The following CIMIP6 variants were observed in gnomAD, a reference collection of about 807,000 sequenced individuals.
The protein encoded by CIMIP6 is uncharacterized protein C2orf73.
the CIMIP6 span, among the ~76,000 whole-genome samples, chr2:54,347,774 C>G: frequency 6.6e-6 from 1 of 152,158 alleles, no homozygotes; most frequent in African/African-American, 2.4e-5. Flanking sequence ...CACCTTGTCC[C>G]GCTGCCCCAT....
the CIMIP6 span, among the ~76,000 whole-genome samples, chr2:54,349,927 G>GTCTCCCGGGCT: frequency 6.7e-6 from 1 of 150,178 alleles, no homozygotes. Context: ...TCGGCTCACT[G>GTCTCCCGGGCT]CAACCTCTGT....
chr2:54,344,147 G>T, the CIMIP6 span, among the ~76,000 whole-genome samples: 1 of 152,114 alleles, frequency 6.6e-6, no homozygotes, highest in Non-Finnish European at 1.5e-5. Flanking sequence ...CCTGCTCATT[G>T]TTGTTGCCAC....
chr2:54,357,263 T>A, the CIMIP6 span, among the ~76,000 whole-genome samples: 1 of 152,220 alleles, frequency 6.6e-6, no homozygotes, highest in Non-Finnish European at 1.5e-5. Flanking sequence ...ATAAAATTAG[T>A]TTATAACAAT....
chr2:54,331,626 A>G, the CIMIP6 span, among the ~76,000 whole-genome samples: 1 of 152,136 alleles, frequency 6.6e-6, no homozygotes, highest in African/African-American at 2.4e-5. Flanking sequence ...GATAAAGACC[A>G]GCATCAGCAG....
chr2:54,381,219 C>T, the CIMIP6 span, among the ~76,000 whole-genome samples: 247 of 152,322 alleles, frequency 1.6e-3, no homozygotes, highest in Non-Finnish European at 2.7e-3. Context: ...CTTGCCTTCT[C>T]TGTTCCAGAC....
chr2:54,372,355 T>G, the CIMIP6 span, among the ~76,000 whole-genome samples: 1 of 152,134 alleles, frequency 6.6e-6, no homozygotes, highest in Non-Finnish European at 1.5e-5. Context: ...ATCTGCAGAG[T>G]GTACCTGTAG....
chr2:54,364,475 T>C, the CIMIP6 span, among the ~76,000 whole-genome samples: 1 of 152,354 alleles, frequency 6.6e-6, no homozygotes, highest in Admixed American at 6.5e-5. Flanking sequence ...TAAAATCTAT[T>C]ATCTTATGTG....
the CIMIP6 span, among the ~76,000 whole-genome samples, chr2:54,365,685 C>T: frequency 3.3e-5 from 5 of 152,064 alleles, no homozygotes; most frequent in Non-Finnish European, 7.4e-5. Flanking sequence ...TCCTGAACAG[C>T]CTGCAGAACC....
the CIMIP6 span, among the ~76,000 whole-genome samples, chr2:54,371,145 C>T: frequency 6.6e-6 from 1 of 152,328 alleles, no homozygotes; most frequent in East Asian, 1.9e-4. Flanking sequence ...ACAGATGTGT[C>T]CATGTTTTTA....
chr2:54,367,557 G>T, the CIMIP6 span, among the ~76,000 whole-genome samples: 1 of 152,022 alleles, frequency 6.6e-6, no homozygotes, highest in Non-Finnish European at 1.5e-5. Context: ...TCATGATGTA[G>T]GGAGGACAGG....
At chr2:54,377,034 G>C in the CIMIP6 span, among the ~76,000 whole-genome samples, 1 of 152,142 alleles carries the variant, frequency 6.6e-6, no homozygotes, top group Non-Finnish European at 1.5e-5. Context: ...TCCTGACTTC[G>C]GTTCTCTCGG....
At chr2:54,344,386 A>C in the CIMIP6 span, among the ~76,000 whole-genome samples, 1 of 152,242 alleles carries the variant, frequency 6.6e-6, no homozygotes, top group Non-Finnish European at 1.5e-5. Context: ...AATAGAAGGA[A>C]GAACTTTCTG....
chr2:54,370,024 G>A, the CIMIP6 span, among the ~76,000 whole-genome samples: 3 of 152,134 alleles, frequency 2.0e-5, no homozygotes, highest in Admixed American at 6.5e-5. Flanking sequence ...TTGGGAGGGC[G>A]AGACAGGTGG....
At chr2:54,333,599 A>C in the CIMIP6 span, among the ~76,000 whole-genome samples, 1 of 152,098 alleles carries the variant, frequency 6.6e-6, no homozygotes, top group Non-Finnish European at 1.5e-5. Context: ...TAACTGCAAA[A>C]TGATGTGGGC....
At chr2:54,362,316 AC>A in the CIMIP6 span, among the ~76,000 whole-genome samples, 1 of 152,246 alleles carries the variant, frequency 6.6e-6, no homozygotes, top group African/African-American at 2.4e-5. Context: ...TAATTTCAGA[AC>A]TGGAGATAAA....
At chr2:54,360,647 G>A in the CIMIP6 span, 1 of 1,298,728 alleles carries the variant, frequency 7.7e-7, no homozygotes, top group Non-Finnish European at 1.0e-6. Flanking sequence ...TTACTTTTCT[G>A]TTATCAGTAA....
At chr2:54,361,680 TG>T in the CIMIP6 span, 1 of 152,186 alleles carries the variant, frequency 6.6e-6, no homozygotes, top group Non-Finnish European at 1.5e-5. Context: ...TGTCAACATA[TG>T]TAGGCAACCT....
At chr2:54,342,930 G>A in the CIMIP6 span, among the ~76,000 whole-genome samples, 25 of 152,228 alleles carry the variant, frequency 1.6e-4, no homozygotes, top group South Asian at 8.3e-4. Flanking sequence ...GAATTAAGTT[G>A]AGTAACAGTT....
the CIMIP6 span, chr2:54,360,353 A>G: frequency 6.2e-7 from 1 of 1,610,754 alleles, no homozygotes; most frequent in Non-Finnish European, 8.5e-7. Context: ...AAGCAGAATG[A>G]TCTCACCAGG....
Sources: allele counts gnomAD v4.1 joint callset (sites outside exome capture counted in the v4.1 genomes callset), GRCh38; gene constraint gnomAD v4.1.1; transcripts MANE v1.5; gene names NCBI Gene and HGNC (gene_info 2026-07-23, HGNC 2026-07-21).